Variants in TMTC2 observed in about 807,000 individuals in gnomAD.
TMTC2 encodes the protein transmembrane O-mannosyltransferase targeting cadherins 2.
Under a neutral mutation model 82.4 loss-of-function variants are expected in TMTC2, and 43 were observed. That is an observed-to-expected ratio of 0.52 (90% CI 0.41 to 0.67). The LOEUF is 0.67. Ranked by LOEUF, TMTC2 falls within the 30% of genes least tolerant of loss-of-function variation. TMTC2 has a pLI of 0.00. For missense variants in TMTC2, 919 were observed against 1,012.4 expected, an observed-to-expected ratio of 0.91 and a Z score of 1.25; for synonymous variants, 408 against 381.9, an observed-to-expected ratio of 1.07 and a Z score of -0.80.
intron 4 of TMTC2, among the ~76,000 whole-genome samples, chr12:82,955,974 A>G (rs897082467): frequency 6.6e-6 from 1 of 152,116 alleles, no homozygotes; most frequent in African/African-American, 2.4e-5. Context: ...ACATTAATAT[A>G]TAGCATGGGC....
intron 4 of TMTC2, among the ~76,000 whole-genome samples, chr12:82,939,234 T>G (rs895555270): frequency 3.3e-5 from 5 of 152,162 alleles, no homozygotes; most frequent in African/African-American, 9.6e-5. Context: ...TAGGCTTTTT[T>G]CTTTTTCTTA....
chr12:82,949,650 T>C (rs1877241223), intron 4 of TMTC2, among the ~76,000 whole-genome samples: 1 of 152,198 alleles, frequency 6.6e-6, no homozygotes, highest in Non-Finnish European at 1.5e-5. Flanking sequence ...ATCTGCAACA[T>C]TGGGTTGAGT....
intron 8 of TMTC2, among the ~76,000 whole-genome samples, chr12:83,030,365 T>G (rs1308322080): frequency 1.3e-5 from 2 of 152,084 alleles, no homozygotes; most frequent in African/African-American, 4.8e-5. Flanking sequence ...TATTTTGAGA[T>G]GCCTGTCATC....
At chr12:83,041,072 C>CT (rs544786758) in intron 9 of TMTC2, among the ~76,000 whole-genome samples, 128 of 151,060 alleles carry the variant, frequency 8.5e-4, no homozygotes, top group African/African-American at 2.9e-3. Flanking sequence ...TCTGTGCCCC[C>CT]TTTTTTTGTG....
chr12:82,949,420 C>T (rs1592650554), intron 4 of TMTC2, among the ~76,000 whole-genome samples: 1 of 152,156 alleles, frequency 6.6e-6, no homozygotes, highest in East Asian at 1.9e-4. Flanking sequence ...TATGGACTTA[C>T]CAGAGTCATA....
intron 8 of TMTC2, among the ~76,000 whole-genome samples, chr12:82,997,422 A>ATG (rs1879713737): frequency 8.9e-6 from 1 of 112,138 alleles, no homozygotes; most frequent in African/African-American, 3.4e-5. Flanking sequence ...GTATATATAT[A>ATG]TATATACACA....
At chr12:82,750,059 C>G (rs192898993) in intron 1 of TMTC2, among the ~76,000 whole-genome samples, 58 of 152,098 alleles carry the variant, frequency 3.8e-4, no homozygotes, top group Admixed American at 3.8e-3. Context: ...GTTTTTCAAT[C>G]CTGTTTTGAA....
At chr12:83,002,551 T>C (rs1344131454) in intron 8 of TMTC2, among the ~76,000 whole-genome samples, 1 of 152,204 alleles carries the variant, frequency 6.6e-6, no homozygotes. Context: ...CATTTAGCAC[T>C]GTAAACTTTC....
chr12:82,842,170 T>C (rs1870374127), intron 1 of TMTC2, among the ~76,000 whole-genome samples: 1 of 152,218 alleles, frequency 6.6e-6, no homozygotes, highest in African/African-American at 2.4e-5. Context: ...TGCACTTCTT[T>C]AATTAACTTA....
intron 2 of TMTC2, among the ~76,000 whole-genome samples, chr12:82,875,829 A>G (rs1264904001): frequency 2.0e-5 from 3 of 150,638 alleles, no homozygotes; most frequent in Non-Finnish European, 3.0e-5. Flanking sequence ...ATTTAGATAT[A>G]TTGAACAGAT....
chr12:82,737,115 A>G (rs1282503084), intron 1 of TMTC2, among the ~76,000 whole-genome samples: 1 of 152,226 alleles, frequency 6.6e-6, no homozygotes, highest in African/African-American at 2.4e-5. Flanking sequence ...CTGAATAACT[A>G]TAAGCATTAA....
intron 7 of TMTC2, among the ~76,000 whole-genome samples, chr12:82,968,187 C>T (rs1482128709): frequency 1.3e-5 from 2 of 152,122 alleles, no homozygotes; most frequent in Non-Finnish European, 2.9e-5. Context: ...GATTGAATAT[C>T]ATATTAAACA....
intron 8 of TMTC2, among the ~76,000 whole-genome samples, chr12:83,007,390 A>G (rs1880253307): frequency 6.6e-6 from 1 of 152,072 alleles, no homozygotes; most frequent in Admixed American, 6.5e-5. Context: ...TTACGTTTTA[A>G]TTGAGCATTT....
Position 82,913,591 on chromosome 12 carries a change from A to G in TMTC2, c.1484-16840A>G, listed in dbSNP as rs146028059. Among the ~76,000 whole-genome samples the G allele has an allele frequency of 5.0e-3, 760 of 152,266 alleles. 4 individuals are homozygous for G. Among genetic ancestry groups the G allele is most frequent in the Non-Finnish European group, 7.0e-3 (474 of 68,014 alleles). ...GACCACACATCTAGTCATATTTTTT[A>G]ATTGGTAATATTCATTAATCACTGG... On this transcript the variant is annotated intron_variant, in intron 3 of 11. Coordinates refer to ENST00000321196, the MANE Select transcript of TMTC2 (RefSeq NM_152588.3).
intron 11 of TMTC2, among the ~76,000 whole-genome samples, chr12:83,066,891 C>T (rs1882936741): frequency 6.6e-6 from 1 of 151,824 alleles, no homozygotes; most frequent in Admixed American, 6.6e-5. Flanking sequence ...AGAGAATTTG[C>T]TTATTCTAAT....
chr12:83,047,725 A>T (rs1882195365), intron 9 of TMTC2, among the ~76,000 whole-genome samples: 1 of 152,240 alleles, frequency 6.6e-6, no homozygotes, highest in East Asian at 1.9e-4. Flanking sequence ...TACCCTACTA[A>T]AAATTATATG....
At chr12:82,866,943 T>C (rs1274455641) in intron 2 of TMTC2, among the ~76,000 whole-genome samples, 1 of 152,240 alleles carries the variant, frequency 6.6e-6, no homozygotes, top group African/African-American at 2.4e-5. Context: ...TATGGTAAGG[T>C]TGCATAGGAT....
intron 4 of TMTC2, among the ~76,000 whole-genome samples, chr12:82,945,608 T>G (rs1287938615): frequency 6.6e-6 from 1 of 152,226 alleles, no homozygotes; most frequent in Non-Finnish European, 1.5e-5. Context: ...GAATTTCAAG[T>G]AAATTAATTT....
chr12:82,979,543 G>A (rs767006076), intron 7 of TMTC2, among the ~76,000 whole-genome samples: 2 of 151,506 alleles, frequency 1.3e-5, no homozygotes, highest in African/African-American at 2.4e-5. Context: ...TGCATGTCTC[G>A]AATAGTTGTT....
Sources: allele counts gnomAD v4.1 joint callset (sites outside exome capture counted in the v4.1 genomes callset), GRCh38; gene constraint gnomAD v4.1.1; transcripts MANE v1.5; gene names NCBI Gene and HGNC (gene_info 2026-07-23, HGNC 2026-07-21).